AGPAT3: variants seen among roughly 807,000 people sequenced by gnomAD.
The protein encoded by AGPAT3 is 1-acyl-sn-glycerol-3-phosphate acyltransferase gamma.
AGPAT3 carries 5 observed loss-of-function variants against 47.3 expected under a neutral mutation model. The ratio of observed to expected loss-of-function variants is 0.11; its 90% confidence interval spans 0.06 to 0.22. AGPAT3 has a LOEUF of 0.22. Among genes scored for constraint, AGPAT3 ranks in the 10% least tolerant of loss-of-function variants. The pLI, the probability that AGPAT3 is intolerant of heterozygous loss-of-function variation, is 1.00. For synonymous variants in AGPAT3, 212 were observed against 208.3 expected, an observed-to-expected ratio of 1.02 and a Z score of -0.15; for missense variants, 315 against 493.0, an observed-to-expected ratio of 0.64 and a Z score of 3.42.
chr21:43,892,473 C>T (rs2086123475), intron 1 of AGPAT3, among the ~76,000 whole-genome samples: 1 of 152,172 alleles, frequency 6.6e-6, no homozygotes, highest in Non-Finnish European at 1.5e-5. Context: ...TGAAAGGAAT[C>T]CTTTTTTCCT....
At chr21:43,918,490 A>G (rs897861887) in intron 2 of AGPAT3, among the ~76,000 whole-genome samples, 5 of 152,118 alleles carry the variant, frequency 3.3e-5, no homozygotes, top group Non-Finnish European at 5.9e-5. Context: ...AGAGAAGAGA[A>G]GAGATAAAAA....
At chr21:43,894,350 T>C (rs2086168579) in intron 1 of AGPAT3, among the ~76,000 whole-genome samples, 1 of 152,046 alleles carries the variant, frequency 6.6e-6, no homozygotes, top group Non-Finnish European at 1.5e-5. Context: ...GATGTTTGAC[T>C]TTTGTTTCAG....
chr21:43,896,060 G>A (rs1358789791), intron 1 of AGPAT3, among the ~76,000 whole-genome samples: 3 of 152,158 alleles, frequency 2.0e-5, no homozygotes, highest in South Asian at 4.1e-4. Flanking sequence ...GAGCCACTGC[G>A]CCCGGCCTAA....
intron 2 of AGPAT3, among the ~76,000 whole-genome samples, chr21:43,949,422 A>C (rs1416846560): frequency 6.6e-6 from 1 of 152,208 alleles, no homozygotes; most frequent in Non-Finnish European, 1.5e-5. Flanking sequence ...TTTCTGCTCC[A>C]TGTGGGACCA....
At position 43,872,094 on chromosome 21, in the gene AGPAT3, G is replaced by A. The variant is rs148145654; in HGVS notation, c.-112+6749G>A. ...CCGAGGTGTCTTTTGATAAAGCACC[G>A]TGGTATTTCACATTCCACCTGACAC... On this transcript the variant is annotated intron_variant, in intron 1 of 9. Transcript: ENST00000291572. 2.3e-4 allele frequency among the ~76,000 whole-genome samples: 35 copies of A among 152,084 alleles called. No individual in the cohort carries two copies. The East Asian group carries it at 2.9e-3, about 13-fold the overall frequency.
chr21:43,960,334 A>T (rs552273676), intron 3 of AGPAT3, among the ~76,000 whole-genome samples: 1 of 152,306 alleles, frequency 6.6e-6, no homozygotes, highest in South Asian at 2.1e-4. Flanking sequence ...CTCTGTGCGT[A>T]TGTGTATTAT....
intron 1 of AGPAT3, among the ~76,000 whole-genome samples, chr21:43,872,590 A>C (rs1208296963): frequency 1.3e-5 from 2 of 152,246 alleles, no homozygotes; most frequent in African/African-American, 4.8e-5. Flanking sequence ...GCCATTGCTT[A>C]AAATTTATTT....
At chr21:43,977,430 G>A (rs974950482) in intron 7 of AGPAT3, among the ~76,000 whole-genome samples, 1 of 152,206 alleles carries the variant, frequency 6.6e-6, no homozygotes, top group African/African-American at 2.4e-5. Context: ...GGCGTGGCCT[G>A]CCCGGTTAAA....
rs557203762 is a variant in AGPAT3, at chr21:43,935,245, C to A, written c.-48-24389C>A. Among the ~76,000 whole-genome samples, 685 of 152,354 alleles carry A rather than the reference C, an allele frequency of 4.5e-3. 3 individuals are homozygous for A. Among genetic ancestry groups the A allele is most frequent in the African/African-American group, 0.015 (636 of 41,580 alleles). ...CACACTGGGCCGTGTGGTGGCCTTGCGTGGTGAGGGAGCAGGAGGCAGGCT... is the reference window on the plus strand; with the variant it reads ...CACACTGGGCCGTGTGGTGGCCTTGAGTGGTGAGGGAGCAGGAGGCAGGCT... On this transcript the variant is annotated intron_variant, in intron 2 of 9. Transcript: ENST00000291572.
chr21:43,974,133 T>G (rs1478282604), intron 7 of AGPAT3, among the ~76,000 whole-genome samples: 1 of 151,786 alleles, frequency 6.6e-6, no homozygotes, highest in Non-Finnish European at 1.5e-5. Flanking sequence ...GATGTGTGCA[T>G]GTGTGGTGTA....
rs916662528 is a variant in AGPAT3, at chr21:43,970,894, C to T, written c.664+88C>T. ...AAAAAAAAAAAAAATGAGTGCATTC[C>T]ATGTGAAACACAGAAGAACAGAAGT... On this transcript the variant is annotated intron_variant, in intron 6 of 9. Coordinates refer to ENST00000291572, the MANE Select transcript of AGPAT3 (RefSeq NM_020132.5). The surrounding 1 kb of genome is among the most constrained non-coding windows in gnomAD (Gnocchi z 5.8). The T allele has an allele frequency of 1.5e-5, 20 of 1,333,088 alleles. No individual in the cohort carries two copies. Among genetic ancestry groups the T allele is most frequent in the Non-Finnish European group, 2.0e-5 (20 of 1,019,094 alleles). The allele number at this position is 1,333,088 out of a possible 1,614,324, so 82.6% of individuals were successfully genotyped here.
chr21:43,968,605 C>G (rs2146747922), intron 4 of AGPAT3, among the ~76,000 whole-genome samples: 1 of 152,106 alleles, frequency 6.6e-6, no homozygotes, highest in East Asian at 1.9e-4. Flanking sequence ...TGGGGCGTCT[C>G]TTTGAGCTCG....
chr21:43,870,648 G>A (rs1429966053), intron 1 of AGPAT3, among the ~76,000 whole-genome samples: 2 of 152,158 alleles, frequency 1.3e-5, no homozygotes, highest in Non-Finnish European at 2.9e-5. Context: ...CTTGAACCTG[G>A]GAGGCGGACC....
At position 43,959,800 on chromosome 21, in the gene AGPAT3, C is replaced by T. The variant is rs151002444; in HGVS notation, c.119C>T (p.Pro40Leu). The change falls in exon 3 of 10, where the codon CCG becomes CTG. Residue 40 changes from proline (P) to leucine (L), a missense_variant. By Grantham distance (98) the Pro-to-Leu change is moderately conservative (BLOSUM62 -3). Coordinates refer to ENST00000291572, the MANE Select transcript of AGPAT3 (RefSeq NM_020132.5). ...CAGCTGTGCACGCTGGCGCTCTGGCCGGTCAGCAAGCAGCTCTACCGCCGC... is the reference window on the plus strand; with the variant it reads ...CAGCTGTGCACGCTGGCGCTCTGGCTGGTCAGCAAGCAGCTCTACCGCCGC... Reference protein sequence around the residue: ...FVQLCTLALWPVSKQLYRRLN... With the variant: ...FVQLCTLALWLVSKQLYRRLN... 1.2e-5 allele frequency: 19 copies of T among 1,613,154 alleles called. No homozygotes were observed. The highest frequency in any genetic ancestry group is 1.6e-4 in the Middle Eastern group (1 of 6,062).
At chr21:43,898,125 A>G (rs76072012) in intron 1 of AGPAT3, among the ~76,000 whole-genome samples, 1,652 of 152,222 alleles carry the variant, frequency 0.011, 26 homozygotes, top group African/African-American at 0.037. Flanking sequence ...AAAAAGAAAG[A>G]AGAGGGGAGA....
At position 43,879,697 on chromosome 21, in the gene AGPAT3, G is replaced by A. The variant is rs2838425; in HGVS notation, c.-112+14352G>A. 5.4e-4 allele frequency among the ~76,000 whole-genome samples: 82 copies of A among 152,254 alleles called. 1 individual carries two copies. The highest frequency in any genetic ancestry group is 1.8e-3 in the African/African-American group (76 of 41,512). ...GCACAGTGGCACGTGGACCTGCTGC[G>A]CTGTGTGCGTGTCAGGGCGGCCATG... On this transcript the variant is annotated intron_variant, in intron 1 of 9. Coordinates refer to ENST00000291572, the MANE Select transcript of AGPAT3 (RefSeq NM_020132.5).
chr21:43,977,846 C>G (rs998676912), intron 7 of AGPAT3, among the ~76,000 whole-genome samples, 200 bp from the exon 8 acceptor site: 2 of 150,186 alleles, frequency 1.3e-5, no homozygotes, highest in Non-Finnish European at 3.0e-5. Context: ...GAGATCGCAC[C>G]AGTGCTCTCC....
chr21:43,886,160 T>C (rs1474822822), intron 1 of AGPAT3, among the ~76,000 whole-genome samples: 1 of 152,162 alleles, frequency 6.6e-6, no homozygotes, highest in Non-Finnish European at 1.5e-5. Context: ...AGCTGATGGT[T>C]AGGGGAGGGA....
At chr21:43,928,528 C>T (rs547254920) in intron 2 of AGPAT3, among the ~76,000 whole-genome samples, 48 of 152,310 alleles carry the variant, frequency 3.2e-4, no homozygotes, top group African/African-American at 9.9e-4. Context: ...TCTCCCGACC[C>T]GTAGGCTGCA....
Sources: gnomAD v4.1 joint callset for allele counts (sites outside exome capture counted in the v4.1 genomes callset) on GRCh38, gnomAD v4.1.1 for gene constraint, Gnocchi (gnomAD v3.1) non-coding constraint, MANE v1.5 for transcripts, NCBI Gene and HGNC (gene_info 2026-07-23, HGNC 2026-07-21) for gene names.